The following ATP6V0E1 variants were observed in gnomAD, a reference collection of about 807,000 sequenced individuals.
ATP6V0E1 encodes V-type proton ATPase subunit e 1.
A neutral mutation model predicts 11.6 loss-of-function variants in ATP6V0E1; 4 were observed. The ratio of observed to expected loss-of-function variants is 0.35; its 90% CI spans 0.17 to 0.79. The LOEUF (loss-of-function observed/expected upper bound fraction) is 0.79, where lower values mean the gene tolerates loss of function less well. ATP6V0E1 is among the 30% of genes least tolerant of loss of function. The probability of loss-of-function intolerance (pLI) is 0.54; values close to 1 mark genes in which losing one functional copy is unlikely to be tolerated. For missense variants in ATP6V0E1, 105 were observed against 100.0 expected (o/e 1.05, Z -0.21); for synonymous variants, 36 against 34.8 (o/e 1.04, Z -0.13).
At chr5:172,992,125 A>T (rs989787912) in intron 1 of ATP6V0E1, among the ~76,000 whole-genome samples, 1 of 151,220 alleles carries the variant, frequency 6.6e-6, no homozygotes, top group Non-Finnish European at 1.5e-5. Context: ...ATCTCGGCTC[A>T]CTGCAAGCTC....
At chr5:172,983,999 C>T in intron 1 of ATP6V0E1, 35 bp downstream of exon 1, 4 of 1,593,272 alleles carry the variant, frequency 2.5e-6, no homozygotes, top group Non-Finnish European at 3.4e-6. Context: ...GAGGAACGGG[C>T]GGTGAGGAGC....
intron 1 of ATP6V0E1, among the ~76,000 whole-genome samples, chr5:172,986,074 C>G (rs972334122): frequency 2.0e-5 from 3 of 152,172 alleles, no homozygotes; most frequent in Non-Finnish European, 2.9e-5. Flanking sequence ...AATGGTCCAC[C>G]TGTGTAGGGC....
intron 2 of ATP6V0E1, among the ~76,000 whole-genome samples, chr5:173,017,233 C>T (rs1438423661): frequency 2.0e-5 from 3 of 152,166 alleles, no homozygotes; most frequent in Non-Finnish European, 4.4e-5. Context: ...TATCCACTTA[C>T]CCTTAGAAAG....
At chr5:172,994,909 G>A in intron 2 of ATP6V0E1, 87 bp downstream of exon 2, 1 of 1,035,450 alleles carries the variant, frequency 9.7e-7, no homozygotes, top group Non-Finnish European at 1.4e-6. Flanking sequence ...CATCCCTCAT[G>A]TAATATCTAG....
rs1187848499 is a variant in ATP6V0E1, at chr5:172,983,870, C to A, written c.10C>A (p.His4Asn). The A allele has an allele frequency of 3.7e-6, 6 of 1,613,664 alleles. No individual in the cohort carries two copies. Among genetic ancestry groups the A allele is most frequent in the Non-Finnish European group, 5.1e-6 (6 of 1,179,826 alleles). The change falls in exon 1 of 4, where the codon CAC becomes AAC. Residue 4 changes from histidine (H) to asparagine (N), a missense_variant. Physicochemically the swap from His to Asn is moderately conservative, Grantham distance 68 (BLOSUM62 1). Transcript: ENST00000519374. MAYHGLTVPLIVMS... is the reference protein window; with the variant it reads MAYNGLTVPLIVMS... The stretch of plus-strand genomic sequence containing the variant: ...CGCTCAGGCGGCGACCATGGCGTAT[C>A]ACGGCCTCACTGTGCCTCTCATTGT...
At chr5:173,010,433 G>C (rs1756303907) in intron 2 of ATP6V0E1, among the ~76,000 whole-genome samples, 1 of 152,138 alleles carries the variant, frequency 6.6e-6, no homozygotes, top group South Asian at 2.1e-4. Context: ...ATACTATAAG[G>C]CAAGGATTAT....
chr5:173,019,190 G>C (rs1445109097), intron 2 of ATP6V0E1, among the ~76,000 whole-genome samples: 1 of 152,090 alleles, frequency 6.6e-6, no homozygotes, highest in Admixed American at 6.6e-5. Flanking sequence ...TCCTGGCTTC[G>C]AGTGATCCTT....
chr5:173,030,889 C>A (rs983633678), intron 3 of ATP6V0E1, among the ~76,000 whole-genome samples: 2 of 152,078 alleles, frequency 1.3e-5, no homozygotes, highest in African/African-American at 4.8e-5. Context: ...GCTGGGACTA[C>A]AGGCATGCAC....
intron 1 of ATP6V0E1, among the ~76,000 whole-genome samples, chr5:172,991,972 C>T (rs539289): frequency 0.46 from 70,212 of 151,770 alleles, 18,580 homozygotes; most frequent in East Asian, 0.8. Flanking sequence ...TTTCCTTCTT[C>T]CTTTATTTTT....
chr5:172,995,402 T>C (rs1756049925), intron 2 of ATP6V0E1, among the ~76,000 whole-genome samples: 1 of 152,012 alleles, frequency 6.6e-6, no homozygotes, highest in African/African-American at 2.4e-5. Flanking sequence ...GTGCCCGGTA[T>C]ACTATTGTGA....
chr5:173,028,740 G>A (rs924141377), intron 3 of ATP6V0E1, among the ~76,000 whole-genome samples: 2 of 152,234 alleles, frequency 1.3e-5, no homozygotes, highest in Admixed American at 6.5e-5. Flanking sequence ...AACGTGTCCA[G>A]TACTCCTAAG....
chr5:172,997,827 A>G (rs1258654166), intron 2 of ATP6V0E1, among the ~76,000 whole-genome samples: 3 of 151,332 alleles, frequency 2.0e-5, no homozygotes, highest in Admixed American at 2.0e-4. Context: ...AAAAAAAAAA[A>G]AGTTCTAGGC....
At chr5:173,019,500 G>GC (rs1206857785) in intron 2 of ATP6V0E1, among the ~76,000 whole-genome samples, 1 of 151,816 alleles carries the variant, frequency 6.6e-6, no homozygotes, top group Non-Finnish European at 1.5e-5. Flanking sequence ...CTTGCAGCAA[G>GC]CCGAGATTGC....
intron 2 of ATP6V0E1, among the ~76,000 whole-genome samples, chr5:173,006,570 C>T (rs1178584931): frequency 6.6e-5 from 10 of 152,102 alleles, no homozygotes; most frequent in African/African-American, 2.4e-4. Flanking sequence ...GCCGAGATGG[C>T]GACACTGCAC....
chr5:173,034,695 C>T lies in ATP6V0E1; in HGVS notation c.*333C>T, dbSNP rs142120765. 50 of 487,800 alleles carry T rather than the reference C, an allele frequency of 1.0e-4. No individual in the cohort carries two copies. The highest frequency in any genetic ancestry group is 5.6e-4 in the African/African-American group (29 of 52,054). The allele number at this position is 487,800 out of a possible 1,614,324, so 30.2% of individuals were successfully genotyped here. A position where few individuals can be genotyped will look rare whatever the true frequency, so the allele number is the denominator to read the frequency against. ...GGAATCTGTGGATTTGAAGATGGCTCCTGCCTTCTCACGTGGGAATCAGTG... is the reference window on the plus strand; with the variant it reads ...GGAATCTGTGGATTTGAAGATGGCTTCTGCCTTCTCACGTGGGAATCAGTG... On this transcript the variant is annotated 3_prime_UTR_variant, in exon 4 of 4. Coordinates refer to ENST00000519374, the MANE Select transcript of ATP6V0E1 (RefSeq NM_003945.4).
chr5:173,019,569 C>T (rs1756450701), intron 2 of ATP6V0E1, among the ~76,000 whole-genome samples: 1 of 151,932 alleles, frequency 6.6e-6, no homozygotes, highest in African/African-American at 2.4e-5. Context: ...AAAAAAAACC[C>T]TGAAGTAAGA....
At chr5:172,993,894 G>A (rs1581625328) in intron 1 of ATP6V0E1, among the ~76,000 whole-genome samples, 1 of 152,076 alleles carries the variant, frequency 6.6e-6, no homozygotes, top group African/African-American at 2.4e-5. Context: ...ATAATATTTG[G>A]TTCCCAAGTT....
At chr5:173,014,951 A>G (rs753323519) in intron 2 of ATP6V0E1, among the ~76,000 whole-genome samples, 11 of 152,236 alleles carry the variant, frequency 7.2e-5, no homozygotes, top group Non-Finnish European at 1.5e-4. Flanking sequence ...AACAGTTTCT[A>G]AATACTGACC....
At chr5:173,019,448 G>A (rs1335895761) in intron 2 of ATP6V0E1, among the ~76,000 whole-genome samples, 5 of 151,992 alleles carry the variant, frequency 3.3e-5, no homozygotes, top group East Asian at 3.9e-4. Flanking sequence ...CCAGCTACTC[G>A]GGAGGCTGAG....
Sources: gnomAD v4.1 joint callset for allele counts (sites outside exome capture counted in the v4.1 genomes callset) on GRCh38, gnomAD v4.1.1 for gene constraint, MANE v1.5 for transcripts, NCBI Gene and HGNC (gene_info 2026-07-23, HGNC 2026-07-21) for gene names.